The following NSD1 variants were observed in gnomAD, a reference collection of about 807,000 sequenced individuals.
NSD1 encodes histone-lysine N-methyltransferase, H3 lysine-36 specific.
A neutral mutation model predicts 242.7 loss-of-function variants in NSD1; 26 were observed. The observed-to-expected ratio is 0.11, with a 90% CI of 0.08 to 0.15. NSD1 has a LOEUF of 0.15. Ranked by LOEUF, NSD1 falls within the 10% of genes least tolerant of loss-of-function variation. The pLI, the probability that NSD1 is intolerant of heterozygous loss-of-function variation, is 1.00. For synonymous variants in NSD1, 1,106 were observed against 1,178.1 expected (o/e 0.94, Z 1.25); for missense variants, 2,495 against 3,272.8 (o/e 0.76, Z 5.80).
intron 2 of NSD1, among the ~76,000 whole-genome samples, chr5:177,168,292 G>A (rs1333320240): frequency 1.3e-5 from 2 of 151,990 alleles, no homozygotes; most frequent in African/African-American, 4.8e-5. Context: ...GTTTACTGGA[G>A]GATTGAATGC....
intron 11 of NSD1, among the ~76,000 whole-genome samples, chr5:177,250,940 C>T (rs1417537607): frequency 1.3e-5 from 2 of 152,042 alleles, no homozygotes; most frequent in African/African-American, 4.8e-5. Context: ...ACCTGTAATC[C>T]CAGCACTTTG....
chr5:177,277,423 A>T (rs1352264443), intron 17 of NSD1, among the ~76,000 whole-genome samples: 1 of 152,186 alleles, frequency 6.6e-6, no homozygotes, highest in Non-Finnish European at 1.5e-5. Flanking sequence ...GTCGAGCTAC[A>T]TGTGGAGATC....
chr5:177,196,780 A>G (rs770916402), intron 3 of NSD1, among the ~76,000 whole-genome samples: 1 of 152,218 alleles, frequency 6.6e-6, no homozygotes, highest in Non-Finnish European at 1.5e-5. Flanking sequence ...AGCTTGCTGA[A>G]AAAGAATGAT....
chr5:177,231,751 A>G (rs1167409736), intron 5 of NSD1, among the ~76,000 whole-genome samples: 1 of 151,956 alleles, frequency 6.6e-6, no homozygotes, highest in East Asian at 1.9e-4. Flanking sequence ...GACGTACCCA[A>G]AATTCCATTT....
chr5:177,253,003 A>G (rs572620389), intron 12 of NSD1, among the ~76,000 whole-genome samples: 1 of 152,162 alleles, frequency 6.6e-6, no homozygotes, highest in Admixed American at 6.5e-5. Flanking sequence ...GAGTTACTGG[A>G]AGGAGAGGAG....
At chr5:177,216,948 GTT>G (rs539879823) in intron 5 of NSD1, among the ~76,000 whole-genome samples, 11,521 of 141,542 alleles carry the variant, frequency 0.081, 922 homozygotes, top group African/African-American at 0.22. Flanking sequence ...AAGGCCTTCA[GTT>G]TTTTTTTTTT....
chr5:177,196,975 T>C (rs1166554356), intron 3 of NSD1, among the ~76,000 whole-genome samples: 3 of 152,174 alleles, frequency 2.0e-5, no homozygotes, highest in South Asian at 4.1e-4. Flanking sequence ...CATTTATAAA[T>C]TGGGCATTGT....
intron 2 of NSD1, among the ~76,000 whole-genome samples, chr5:177,182,266 G>T (rs939309880): frequency 1.3e-5 from 2 of 152,140 alleles, no homozygotes; most frequent in Non-Finnish European, 1.5e-5. Flanking sequence ...ACAGTGAGTT[G>T]TTTTTGTCCC....
chr5:177,174,021 A>G (rs1020787446), intron 2 of NSD1, among the ~76,000 whole-genome samples: 13 of 152,154 alleles, frequency 8.5e-5, no homozygotes, highest in Non-Finnish European at 1.9e-4. Context: ...TCATATTCAC[A>G]TTATCCTGCT....
chr5:177,169,180 G>C (rs1759482576), intron 2 of NSD1, among the ~76,000 whole-genome samples: 1 of 152,138 alleles, frequency 6.6e-6, no homozygotes, highest in Admixed American at 6.6e-5. Flanking sequence ...GTGCAAGTTT[G>C]GTTTGGGAAG....
At chr5:177,157,125 T>C (rs182147445) in intron 2 of NSD1, among the ~76,000 whole-genome samples, 1 of 152,236 alleles carries the variant, frequency 6.6e-6, no homozygotes, top group East Asian at 1.9e-4. Flanking sequence ...CCTAGCACTT[T>C]TGGAGGCTGA....
intron 8 of NSD1, among the ~76,000 whole-genome samples, chr5:177,240,662 G>C (rs188966308): frequency 6.6e-6 from 1 of 152,056 alleles, no homozygotes; most frequent in Admixed American, 6.5e-5. Flanking sequence ...GCAGTGAGCC[G>C]AGATGGCGCC....
intron 17 of NSD1, 41 bp downstream of exon 17, chr5:177,273,825 T>C (rs1758134113): frequency 7.7e-7 from 1 of 1,295,140 alleles, no homozygotes; most frequent in Middle Eastern, 1.8e-4. Context: ...AGAAGAGAAA[T>C]GGAATAGCTG....
At chr5:177,157,691 A>G (rs1388463937) in intron 2 of NSD1, among the ~76,000 whole-genome samples, 1 of 152,176 alleles carries the variant, frequency 6.6e-6, no homozygotes, top group Non-Finnish European at 1.5e-5. Flanking sequence ...GAGTTGAACA[A>G]CTGTTACCAC....
intron 2 of NSD1, 178 bp downstream of exon 2, chr5:177,136,208 A>G (rs1581093462): frequency 1.7e-6 from 1 of 598,576 alleles, no homozygotes; most frequent in South Asian, 2.0e-5. Flanking sequence ...TCTCTGTTGT[A>G]TGAATTTGGT....
chr5:177,300,039 T>C lies in NSD1; in HGVS notation c.*4580T>C, dbSNP rs1760503755. The C allele has an allele frequency of 4.8e-6, 1 of 208,602 alleles. No homozygotes were observed. The highest frequency in any genetic ancestry group is 2.0e-4 in the South Asian group (1 of 5,000). 12.9% of individuals were successfully genotyped at this position (208,602 alleles called of 1,614,324 possible). A position where few individuals can be genotyped will look rare whatever the true frequency, so the allele number is the denominator to read the frequency against. On this transcript the variant is annotated 3_prime_UTR_variant, in exon 23 of 23. Transcript: ENST00000439151. Reference sequence around the variant, plus strand: ...GGTCGGGGGGATCAGCCAAGGTCCATCATTGCTTTTTTGCCGCGCCCCCCC... The same window carrying C: ...GGTCGGGGGGATCAGCCAAGGTCCACCATTGCTTTTTTGCCGCGCCCCCCC...
chr5:177,166,384 C>CA (rs1759199635), intron 2 of NSD1, among the ~76,000 whole-genome samples: 1 of 151,798 alleles, frequency 6.6e-6, no homozygotes, highest in African/African-American at 2.4e-5. Flanking sequence ...CGTGTCTCTA[C>CA]AAAAAATGCA....
chr5:177,135,148 C>G lies in NSD1; in HGVS notation c.45C>G (p.Pro15=), dbSNP rs763541378. The change falls in exon 2 of 23, where the codon CCC becomes CCG. Residue 15 remains proline (P), a synonymous_variant. Coordinates refer to ENST00000439151, the MANE Select transcript of NSD1 (RefSeq NM_022455.5). ...CELPRRNCLL[P]FSNPVNLDAP... is the part of the protein sequence containing the mutation. ...TACCCAGAAGAAATTGTCTGCTGCC[C>G]TTTTCCAATCCAGTGAATTTAGATG... is the stretch of plus-strand genomic sequence containing the variant. 1.9e-6 allele frequency: 3 copies of G among 1,614,102 alleles called. No individual in the cohort carries two copies. The highest frequency in any genetic ancestry group is 1.1e-5 in the South Asian group (1 of 91,094).
In NSD1 at chr5:177,191,904, T is replaced by G; in HGVS notation, c.948T>G (p.Ser316=). Residue 316 remains serine, a synonymous_variant, in exon 3 of 23, where the codon TCT becomes TCG. Coordinates refer to ENST00000439151, the MANE Select transcript of NSD1 (RefSeq NM_022455.5). ...TAAAGTGTCAACCTAAGAAAAAGTCTACGCCACTGAAGTATGAAGTTGGAG... is the reference window on the plus strand; with the variant it reads ...TAAAGTGTCAACCTAAGAAAAAGTCGACGCCACTGAAGTATGAAGTTGGAG... ...ELPFCQPKKK[S]TPLKYEVGDL... is the part of the protein sequence containing the mutation. The G allele has an allele frequency of 6.2e-7, 1 of 1,614,174 alleles. No individual in the cohort carries two copies. Among genetic ancestry groups the G allele is most frequent in the Non-Finnish European group, 8.5e-7 (1 of 1,180,002 alleles).
Sources: allele counts gnomAD v4.1 joint callset (sites outside exome capture counted in the v4.1 genomes callset), GRCh38; gene constraint gnomAD v4.1.1; transcripts MANE v1.5; gene names NCBI Gene and HGNC (gene_info 2026-07-23, HGNC 2026-07-21).